The following EYA4 variants were observed in gnomAD, a reference collection of about 807,000 sequenced individuals.
The protein encoded by EYA4 is EYA transcriptional coactivator and phosphatase 4.
A neutral mutation model predicts 87.9 loss-of-function variants in EYA4; 31 were observed. That is an observed-to-expected ratio of 0.35 (90% CI 0.27 to 0.48). The LOEUF (loss-of-function observed/expected upper bound fraction) is 0.48, where lower values mean the gene tolerates loss of function less well. Ranked by LOEUF, EYA4 falls within the 20% of genes least tolerant of loss-of-function variation. EYA4 has a pLI of 0.99. For missense variants in EYA4, 678 were observed against 761.4 expected (o/e 0.89, Z 1.29); for synonymous variants, 263 against 270.6 (o/e 0.97, Z 0.28).
At chr6:133,405,061 T>C (rs1788589435) in intron 3 of EYA4, among the ~76,000 whole-genome samples, 1 of 152,144 alleles carries the variant, frequency 6.6e-6, no homozygotes, top group Non-Finnish European at 1.5e-5. Flanking sequence ...TCACTGAGAA[T>C]CATTTCCTAG....
chr6:133,378,198 A>G (rs1785869768), intron 2 of EYA4, among the ~76,000 whole-genome samples: 3 of 152,126 alleles, frequency 2.0e-5, no homozygotes, highest in Admixed American at 2.0e-4. Context: ...CAAATGTAGC[A>G]TAGGAGAGAA....
At chr6:133,438,986 G>A (rs1304429201) in intron 3 of EYA4, among the ~76,000 whole-genome samples, 1 of 140,574 alleles carries the variant, frequency 7.1e-6, no homozygotes, top group African/African-American at 2.7e-5. Context: ...AGCTTGCAGT[G>A]AGCCAAGATG....
At chr6:133,481,399 A>G in intron 11 of EYA4, 64 bp from the exon 12 acceptor site, 3 of 1,462,328 alleles carry the variant, frequency 2.1e-6, no homozygotes, top group Admixed American at 3.3e-5. Context: ...ATAATTAATA[A>G]TGAAGACTCA....
intron 3 of EYA4, among the ~76,000 whole-genome samples, chr6:133,417,178 A>G (rs867520335): frequency 5.9e-5 from 9 of 152,184 alleles, no homozygotes; most frequent in African/African-American, 1.9e-4. Context: ...GAATTTATTG[A>G]TGGGGTAATT....
chr6:133,330,546 G>T (rs1266791021), intron 2 of EYA4, among the ~76,000 whole-genome samples: 1 of 90,002 alleles, frequency 1.1e-5, no homozygotes, highest in Non-Finnish European at 2.3e-5. Context: ...TTTATACTGA[G>T]ATTTATATAT....
rs769453409 is a variant in EYA4 at position 133,530,107 on chromosome 6, G to C, written c.*1302G>C. On this transcript the variant is annotated 3_prime_UTR_variant, in exon 20 of 20. Coordinates refer to ENST00000355286, the MANE Select transcript of EYA4 (RefSeq NM_004100.5). ...TGTCTAATGAAAGCAATGAGTCTAT[G>C]AAAATTTTACCTAGAATATCATCAT... 4.1e-6 allele frequency: 4 copies of C among 985,278 alleles called. No individual in the cohort carries two copies. Among genetic ancestry groups the C allele is most frequent in the Non-Finnish European group, 4.8e-6 (4 of 829,798 alleles). 61.0% of individuals were successfully genotyped at this position (985,278 alleles called of 1,614,324 possible). A position where few individuals can be genotyped will look rare whatever the true frequency, so the allele number is the denominator to read the frequency against.
At chr6:133,377,902 G>C (rs1349080427) in intron 2 of EYA4, among the ~76,000 whole-genome samples, 1 of 151,888 alleles carries the variant, frequency 6.6e-6, no homozygotes, top group Non-Finnish European at 1.5e-5. Context: ...ACAGAACAGT[G>C]CCTATAGCAA....
intron 2 of EYA4, among the ~76,000 whole-genome samples, chr6:133,375,509 G>C (rs1414688991): frequency 1.3e-5 from 2 of 151,600 alleles, no homozygotes; most frequent in African/African-American, 4.8e-5. Context: ...CATTCCTGAG[G>C]TATGTAATAG....
chr6:133,365,722 T>C (rs1318446290), intron 2 of EYA4, among the ~76,000 whole-genome samples: 5 of 152,026 alleles, frequency 3.3e-5, no homozygotes, highest in Admixed American at 3.3e-4. Context: ...GTAGGGGTGA[T>C]ACCTGGTTGT....
In EYA4 at chr6:133,299,714, AAAAATAAAATAAAAT is replaced by A. The variant is rs201014987; in HGVS notation, c.33+24941_33+24955del. 9.1e-3 allele frequency among the ~76,000 whole-genome samples: 1,255 copies of A among 137,626 alleles called. 6 individuals carry two copies. Among genetic ancestry groups the A allele is most frequent in the Middle Eastern group, 0.025 (7 of 276 alleles). 90.3% of individuals were successfully genotyped at this position (137,626 alleles called of 152,430 possible). ...GCAACAGAGTGAGACTCTGTCTCAA[AAAAATAAAATAAAAT>A]AAAATAAAATAAAATAAAATAAAAT... On this transcript the variant is annotated intron_variant, in intron 2 of 19. Coordinates refer to ENST00000355286, the MANE Select transcript of EYA4 (RefSeq NM_004100.5).
chr6:133,436,667 A>G (rs1791712229), intron 3 of EYA4, among the ~76,000 whole-genome samples: 1 of 152,200 alleles, frequency 6.6e-6, no homozygotes, highest in African/African-American at 2.4e-5. Flanking sequence ...TGCCCTTAAA[A>G]TCATTCTGAT....
chr6:133,414,688 AT>A (rs1789552499), intron 3 of EYA4, among the ~76,000 whole-genome samples: 1 of 152,154 alleles, frequency 6.6e-6, no homozygotes, highest in Non-Finnish European at 1.5e-5. Flanking sequence ...GGCTCACCAG[AT>A]TTGTTTTCCA....
intron 2 of EYA4, among the ~76,000 whole-genome samples, chr6:133,377,688 T>C (rs1266560587): frequency 6.6e-6 from 1 of 151,386 alleles, no homozygotes; most frequent in Non-Finnish European, 1.5e-5. Flanking sequence ...ATGTTACTAG[T>C]GCTTGGTAAA....
chr6:133,487,292 C>T (rs915268855), intron 13 of EYA4, among the ~76,000 whole-genome samples: 2 of 152,188 alleles, frequency 1.3e-5, no homozygotes, highest in Non-Finnish European at 2.9e-5. Context: ...GGGGTCCAGG[C>T]AGTTTAGGCC....
At chr6:133,444,538 C>T (rs891896239) in intron 3 of EYA4, among the ~76,000 whole-genome samples, 2 of 152,112 alleles carry the variant, frequency 1.3e-5, no homozygotes, top group African/African-American at 4.8e-5. Flanking sequence ...GATTCAGAGA[C>T]GTTGATCTGT....
At chr6:133,386,008 T>C (rs1483444721) in intron 3 of EYA4, among the ~76,000 whole-genome samples, 1 of 152,202 alleles carries the variant, frequency 6.6e-6, no homozygotes, top group Non-Finnish European at 1.5e-5. Flanking sequence ...GGATGTGATG[T>C]GCTTTGTGTA....
intron 2 of EYA4, among the ~76,000 whole-genome samples, chr6:133,355,380 A>G (rs1185268380): frequency 6.6e-6 from 1 of 152,178 alleles, no homozygotes; most frequent in African/African-American, 2.4e-5. Flanking sequence ...ACACATGAAC[A>G]GGTAGTTTAT....
chr6:133,496,946 G>T (rs1430058344), intron 13 of EYA4, among the ~76,000 whole-genome samples: 6 of 152,158 alleles, frequency 3.9e-5, no homozygotes, highest in Non-Finnish European at 8.8e-5. Context: ...GAAGACCAGA[G>T]ATGTCAATCA....
At chr6:133,341,640 G>A (rs1047894531) in intron 2 of EYA4, among the ~76,000 whole-genome samples, 4 of 149,560 alleles carry the variant, frequency 2.7e-5, no homozygotes, top group Non-Finnish European at 4.5e-5. Flanking sequence ...TGAAACAAAG[G>A]ACTTTTGCAA....
Sources: allele counts gnomAD v4.1 joint callset (sites outside exome capture counted in the v4.1 genomes callset), GRCh38; gene constraint gnomAD v4.1.1; transcripts MANE v1.5; gene names NCBI Gene and HGNC (gene_info 2026-07-23, HGNC 2026-07-21).